LHFPL3: variants seen among roughly 807,000 people sequenced by gnomAD.
LHFPL3 encodes LHFPL tetraspan subfamily member 3, also known as LHFPL tetraspan subfamily member 3 protein.
A neutral mutation model predicts 19.3 loss-of-function variants in LHFPL3; 5 were observed. That is an observed-to-expected ratio of 0.26 (90% confidence interval 0.14 to 0.54). The LOEUF is 0.54. LHFPL3 is among the 20% of genes least tolerant of loss of function. LHFPL3 has a pLI of 0.94. For missense variants in LHFPL3, 249 were observed against 307.4 expected (o/e 0.81, Z 1.42); for synonymous variants, 133 against 126.2 (o/e 1.05, Z -0.36).
Position 104,829,747 on chromosome 7 carries a change from T to A in LHFPL3, c.683-76440T>A, listed in dbSNP as rs1790911082. Among the ~76,000 whole-genome samples, 3 of 152,140 alleles carry A rather than the reference T, an allele frequency of 2.0e-5. No individual in the cohort carries two copies. The South Asian group carries it at 6.2e-4, about 31-fold the overall frequency. Reference sequence around the variant, plus strand: ...GTCTATCATGGTTGGACATTTGGGTTGGTTCCAAGTCTTTGCTATTGTGAA... The same window carrying A: ...GTCTATCATGGTTGGACATTTGGGTAGGTTCCAAGTCTTTGCTATTGTGAA... On this transcript the variant is annotated intron_variant, in intron 2 of 2. Transcript: ENST00000424859.
chr7:104,536,662 C>A (rs533865445), intron 1 of LHFPL3, among the ~76,000 whole-genome samples: 1 of 152,324 alleles, frequency 6.6e-6, no homozygotes, highest in East Asian at 1.9e-4. Context: ...TGTTTCCCCT[C>A]GGGTGTCAGC....
chr7:104,426,831 A>G (rs1265923336), intron 1 of LHFPL3, among the ~76,000 whole-genome samples: 1 of 152,180 alleles, frequency 6.6e-6, no homozygotes, highest in Admixed American at 6.5e-5. Flanking sequence ...TTTAATTTCT[A>G]CACTGCTTTA....
intron 1 of LHFPL3, among the ~76,000 whole-genome samples, chr7:104,611,797 A>G (rs1375183888): frequency 6.6e-6 from 1 of 152,202 alleles, no homozygotes; most frequent in Non-Finnish European, 1.5e-5. Context: ...AGTAGTTACA[A>G]CTATATGAAC....
intron 1 of LHFPL3, among the ~76,000 whole-genome samples, chr7:104,443,980 CA>C (rs1306097054): frequency 6.6e-6 from 1 of 152,204 alleles, no homozygotes; most frequent in African/African-American, 2.4e-5. Context: ...ATTCATTTCC[CA>C]AAAGTCATTG....
chr7:104,548,744 T>C (rs1459224510), intron 1 of LHFPL3, among the ~76,000 whole-genome samples: 1 of 152,132 alleles, frequency 6.6e-6, no homozygotes, highest in East Asian at 1.9e-4. Context: ...TTTCTGTATC[T>C]TTCTATGAAA....
At chr7:104,566,352 C>CA in intron 1 of LHFPL3, among the ~76,000 whole-genome samples, 1 of 152,142 alleles carries the variant, frequency 6.6e-6, no homozygotes, top group South Asian at 2.1e-4. Flanking sequence ...CCCTGTCTCT[C>CA]AAAAACAAAA....
chr7:104,544,682 A>G (rs921137486), intron 1 of LHFPL3, among the ~76,000 whole-genome samples: 1 of 152,166 alleles, frequency 6.6e-6, no homozygotes, highest in Non-Finnish European at 1.5e-5. Flanking sequence ...TCAGCCCTTC[A>G]TAGTGCATCT....
In LHFPL3 at chr7:104,455,333, T is replaced by G. The variant is rs189661781; in HGVS notation, c.445+126109T>G. ...ATTGAAAAATCTCTGATCTTAAAAT[T>G]TGGACAATTATACATGGTAAGCGCT... On this transcript the variant is annotated intron_variant, in intron 1 of 2. Coordinates refer to ENST00000424859, the MANE Select transcript of LHFPL3 (RefSeq NM_199000.3). Among the ~76,000 whole-genome samples the G allele has an allele frequency of 3.9e-3, 595 of 152,182 alleles. 1 individual carries two copies. The highest frequency in any genetic ancestry group is 6.8e-3 in the Non-Finnish European group (463 of 68,004).
At chr7:104,734,164 T>C (rs1271426598) in intron 1 of LHFPL3, among the ~76,000 whole-genome samples, 1 of 152,202 alleles carries the variant, frequency 6.6e-6, no homozygotes, top group African/African-American at 2.4e-5. Flanking sequence ...ATTTTTTTCA[T>C]TTCAACTTTG....
chr7:104,614,164 G>A (rs73181803), intron 1 of LHFPL3, among the ~76,000 whole-genome samples: 1,568 of 152,316 alleles, frequency 0.01, 17 homozygotes, highest in Non-Finnish European at 0.016. Flanking sequence ...TAATCAGGAA[G>A]AAACTTATCT....
intron 1 of LHFPL3, among the ~76,000 whole-genome samples, chr7:104,654,338 C>T (rs377552448): frequency 6.6e-6 from 1 of 152,130 alleles, no homozygotes; most frequent in East Asian, 1.9e-4. Flanking sequence ...AATATTCAGA[C>T]ATATTTCCGT....
At position 104,399,249 on chromosome 7, in the gene LHFPL3, A is replaced by T. The variant is rs80084738; in HGVS notation, c.445+70025A>T. On this transcript the variant is annotated intron_variant, in intron 1 of 2. Coordinates refer to ENST00000424859, the MANE Select transcript of LHFPL3 (RefSeq NM_199000.3). The surrounding 1 kb of genome is among the most constrained non-coding windows in gnomAD (Gnocchi z 4.4). ...CCAGCTGGACAAGGCCCTGGTGCAG[A>T]TTTAGGGTGCTAGAATAAGCATCTA... Among the ~76,000 whole-genome samples, 706 of 152,168 alleles carry T rather than the reference A, an allele frequency of 4.6e-3. 4 individuals are homozygous for T. The highest frequency in any genetic ancestry group is 0.016 in the African/African-American group (661 of 41,492).
chr7:104,657,155 G>A (rs932376505), intron 1 of LHFPL3, among the ~76,000 whole-genome samples: 6 of 152,136 alleles, frequency 3.9e-5, no homozygotes, highest in South Asian at 4.2e-4. Context: ...TTGATATTAC[G>A]AATTCCTCTC....
intron 2 of LHFPL3, among the ~76,000 whole-genome samples, chr7:104,888,436 A>C (rs560517408): frequency 6.6e-6 from 1 of 152,352 alleles, no homozygotes; most frequent in African/African-American, 2.4e-5. Flanking sequence ...AGACTGAGGC[A>C]GGAGGGTCTC....
chr7:104,673,405 C>T (rs1222873781), intron 1 of LHFPL3, among the ~76,000 whole-genome samples: 1 of 152,204 alleles, frequency 6.6e-6, no homozygotes, highest in Non-Finnish European at 1.5e-5. Flanking sequence ...CTGATTTTAT[C>T]TAATCTTATC....
chr7:104,766,315 G>A (rs1477249319), intron 2 of LHFPL3, among the ~76,000 whole-genome samples: 2 of 152,164 alleles, frequency 1.3e-5, no homozygotes, highest in African/African-American at 4.8e-5. Flanking sequence ...CCAATATAAG[G>A]AGCACTATCT....
chr7:104,398,305 G>C (rs1229533754), intron 1 of LHFPL3, among the ~76,000 whole-genome samples: 1 of 152,148 alleles, frequency 6.6e-6, no homozygotes, highest in Non-Finnish European at 1.5e-5. Context: ...GGAAGGGACA[G>C]GCTCCAGGCC....
intron 1 of LHFPL3, among the ~76,000 whole-genome samples, chr7:104,713,765 G>A (rs1175081372): frequency 6.6e-6 from 1 of 152,084 alleles, no homozygotes; most frequent in African/African-American, 2.4e-5. Context: ...TCCCAGCCTC[G>A]ATTATAAGAA....
At chr7:104,649,413 G>C (rs971741009) in intron 1 of LHFPL3, among the ~76,000 whole-genome samples, 2 of 152,164 alleles carry the variant, frequency 1.3e-5, no homozygotes, top group African/African-American at 4.8e-5. Flanking sequence ...AACAGAGTGG[G>C]GGAGAGGGTC....
Sources: allele counts gnomAD v4.1 joint callset (sites outside exome capture counted in the v4.1 genomes callset), GRCh38; gene constraint gnomAD v4.1.1; non-coding constraint Gnocchi (gnomAD v3.1); transcripts MANE v1.5; gene names NCBI Gene and HGNC (gene_info 2026-07-23, HGNC 2026-07-21).